Variants in FRMPD4 observed in about 807,000 individuals in gnomAD.
FRMPD4 encodes FERM and PDZ domain-containing protein 4.
Under a neutral mutation model 94.1 loss-of-function variants are expected in FRMPD4, and 22 were observed. The ratio of observed to expected loss-of-function variants is 0.23; its 90% CI spans 0.17 to 0.33. The LOEUF (loss-of-function observed/expected upper bound fraction) is 0.33, where lower values mean the gene tolerates loss of function less well. Among genes scored for constraint, FRMPD4 ranks in the 10% least tolerant of loss-of-function variants. FRMPD4 has a pLI of 1.00. For missense variants in FRMPD4, 1,111 were observed against 1,339.9 expected (o/e 0.83, Z 2.67); for synonymous variants, 631 against 548.6 (o/e 1.15, Z -2.10).
At chrX:11,846,167 G>A (rs2053575594) in intron 1 of FRMPD4, among the ~76,000 whole-genome samples, 1 of 110,198 alleles carries the variant, frequency 9.1e-6, no homozygotes, top group Non-Finnish European at 1.9e-5. Context: ...AAGCTGATAA[G>A]CAACTTCAGC....
chrX:11,989,039 C>T (rs370167510), intron 3 of FRMPD4, among the ~76,000 whole-genome samples: 1 of 111,988 alleles, frequency 8.9e-6, no homozygotes, highest in East Asian at 2.8e-4. Flanking sequence ...TTATGGAGGA[C>T]AGTTTGGATG....
chrX:12,250,006 ATTAT>A (rs1280442437), intron 1 of FRMPD4, among the ~76,000 whole-genome samples: 2 of 96,086 alleles, frequency 2.1e-5, no homozygotes, highest in Non-Finnish European at 4.2e-5. Context: ...ATTGGGTTTA[ATTAT>A]TAATTATGGT....
At chrX:11,973,482 T>A (rs959222329) in intron 3 of FRMPD4, among the ~76,000 whole-genome samples, 3 of 111,591 alleles carry the variant, frequency 2.7e-5, no homozygotes, top group African/African-American at 9.8e-5. Context: ...ATGCAAAATC[T>A]TAGCACCCCT....
intron 3 of FRMPD4, among the ~76,000 whole-genome samples, chrX:11,966,252 TG>T (rs1019200217): frequency 9.0e-6 from 1 of 111,215 alleles, no homozygotes; most frequent in Non-Finnish European, 1.9e-5. Flanking sequence ...ATGGGGCTTT[TG>T]GGGAGGTGAT....
chrX:12,282,902 G>A (rs1402184234), intron 1 of FRMPD4, among the ~76,000 whole-genome samples: 5 of 111,727 alleles, frequency 4.5e-5, no homozygotes, highest in African/African-American at 1.7e-4. Flanking sequence ...TACCTGCACT[G>A]TTCAATTCAT....
intron 1 of FRMPD4, among the ~76,000 whole-genome samples, chrX:12,333,236 A>G (rs1211965784): frequency 1.8e-5 from 2 of 112,066 alleles, no homozygotes; most frequent in Non-Finnish European, 1.9e-5. Flanking sequence ...TTTATTATGG[A>G]CAGGCAATTA....
At chrX:11,950,014 AC>A (rs941473349) in intron 3 of FRMPD4, among the ~76,000 whole-genome samples, 1 of 111,978 alleles carries the variant, frequency 8.9e-6, no homozygotes, top group African/African-American at 3.2e-5. Context: ...CTGTTTCTCC[AC>A]CCAAATCTCA....
At chrX:12,513,632 G>C (rs2058066836) in intron 2 of FRMPD4, among the ~76,000 whole-genome samples, 2 of 112,039 alleles carry the variant, frequency 1.8e-5, no homozygotes, top group South Asian at 7.4e-4. Context: ...TTACAATATA[G>C]TTTGAAGTCT....
At chrX:12,540,211 A>T (rs1200891668) in intron 2 of FRMPD4, among the ~76,000 whole-genome samples, 4 of 111,804 alleles carry the variant, frequency 3.6e-5, no homozygotes, top group Non-Finnish European at 7.5e-5. Context: ...CTAACATCAT[A>T]ATGACAGCAT....
chrX:12,483,945 A>G (rs2057714423), intron 1 of FRMPD4, among the ~76,000 whole-genome samples: 1 of 111,829 alleles, frequency 8.9e-6, no homozygotes, highest in South Asian at 3.7e-4. Flanking sequence ...CATTTCTTCT[A>G]TGAAATTAAC....
intron 3 of FRMPD4, among the ~76,000 whole-genome samples, chrX:12,076,530 C>T (rs2055019394): frequency 9.0e-6 from 1 of 110,909 alleles, no homozygotes; most frequent in Admixed American, 9.6e-5. Context: ...GGAAAGAATA[C>T]CGCCTGGCAG....
At chrX:12,185,449 A>G (rs985270170) in intron 1 of FRMPD4, among the ~76,000 whole-genome samples, 1 of 111,242 alleles carries the variant, frequency 9.0e-6, no homozygotes, top group Non-Finnish European at 1.9e-5. Flanking sequence ...TCCCAAGTGA[A>G]TATCATTAAG....
intron 1 of FRMPD4, among the ~76,000 whole-genome samples, chrX:12,344,091 T>A (rs1490283216): frequency 1.8e-5 from 2 of 111,957 alleles, no homozygotes; most frequent in Non-Finnish European, 3.8e-5. Flanking sequence ...CTGTTTTGTT[T>A]TTCACTCTCA....
intron 3 of FRMPD4, among the ~76,000 whole-genome samples, chrX:11,906,976 A>G (rs758136940): frequency 3.6e-5 from 4 of 110,737 alleles, no homozygotes; most frequent in African/African-American, 1.3e-4. Context: ...CTGTCTTCTC[A>G]GTTCTGCTAC....
At chrX:12,126,715 G>A (rs770642603) in intron 3 of FRMPD4, among the ~76,000 whole-genome samples, 19 of 111,458 alleles carry the variant, frequency 1.7e-4, no homozygotes, top group Non-Finnish European at 3.0e-4. Context: ...AGTCTAATTC[G>A]GTTTCTCCCT....
intron 1 of FRMPD4, among the ~76,000 whole-genome samples, chrX:12,326,483 A>T (rs780232312): frequency 3.0e-4 from 33 of 111,384 alleles, no homozygotes; most frequent in Non-Finnish European, 6.0e-4. Flanking sequence ...CCCCACCCCC[A>T]GTTGTGATGG....
chrX:11,867,758 A>G (rs1441017161), intron 2 of FRMPD4, among the ~76,000 whole-genome samples: 1 of 111,261 alleles, frequency 9.0e-6, no homozygotes, highest in Non-Finnish European at 1.9e-5. Flanking sequence ...GGTTGCAGCT[A>G]CCCCTGTGTT....
At chrX:12,213,719 A>G (rs774755202) in intron 1 of FRMPD4, among the ~76,000 whole-genome samples, 1 of 112,131 alleles carries the variant, frequency 8.9e-6, no homozygotes, top group Non-Finnish European at 1.9e-5. Context: ...AGAAGCTTTC[A>G]TATACTGTCT....
intron 3 of FRMPD4, among the ~76,000 whole-genome samples, chrX:11,980,003 ATGTGTGTGTGCACGCACGCTCATGCT>A (rs2054388721): frequency 8.9e-6 from 1 of 111,763 alleles, no homozygotes; most frequent in Non-Finnish European, 1.9e-5. Flanking sequence ...TTAATACTTA[ATGTGTGTGTGCACGCACGCTCATGCT>A]TGTGTGTGTA....
Sources: allele counts gnomAD v4.1 joint callset (sites outside exome capture counted in the v4.1 genomes callset), GRCh38; gene constraint gnomAD v4.1.1; transcripts MANE v1.5; gene names NCBI Gene and HGNC (gene_info 2026-07-23, HGNC 2026-07-21).